GALNTL6: variants seen among roughly 807,000 people sequenced by gnomAD.
GALNTL6 encodes the protein polypeptide N-acetylgalactosaminyltransferase-like 6.
A neutral mutation model predicts 73.7 loss-of-function variants in GALNTL6; 46 were observed. The ratio of observed to expected loss-of-function variants is 0.62; its 90% confidence interval spans 0.49 to 0.80. GALNTL6 has a LOEUF of 0.80. Ranked by LOEUF, GALNTL6 falls within the 30% of genes least tolerant of loss-of-function variation. GALNTL6 has a pLI of 0.00. For synonymous variants in GALNTL6, 259 were observed against 263.7 expected, an observed-to-expected ratio of 0.98 and a Z score of 0.17; for missense variants, 604 against 755.0, an observed-to-expected ratio of 0.80 and a Z score of 2.34.
At chr4:172,843,970 A>G (rs1743353401) in intron 7 of GALNTL6, among the ~76,000 whole-genome samples, 1 of 152,146 alleles carries the variant, frequency 6.6e-6, no homozygotes, top group African/African-American at 2.4e-5. Context: ...GAGGCAGGAG[A>G]ATCGCTTGAA....
intron 5 of GALNTL6, among the ~76,000 whole-genome samples, chr4:172,699,589 G>C (rs1290960811): frequency 6.6e-6 from 1 of 152,142 alleles, no homozygotes; most frequent in Non-Finnish European, 1.5e-5. Flanking sequence ...AGGAGCTCAT[G>C]TAAGAAACTT....
intron 5 of GALNTL6, among the ~76,000 whole-genome samples, chr4:172,623,156 T>C (rs1445327387): frequency 2.6e-5 from 4 of 152,040 alleles, no homozygotes; most frequent in Non-Finnish European, 4.4e-5. Flanking sequence ...CAAAAATCAA[T>C]GCACGAAACT....
chr4:172,983,702 AT>A (rs1751172362), intron 10 of GALNTL6, among the ~76,000 whole-genome samples: 1 of 152,044 alleles, frequency 6.6e-6, no homozygotes, highest in African/African-American at 2.4e-5. Context: ...TCTCAAAAAA[AT>A]ATATATATAT....
chr4:172,742,902 C>A (rs551631333), intron 5 of GALNTL6, among the ~76,000 whole-genome samples: 3 of 152,096 alleles, frequency 2.0e-5, no homozygotes, highest in Middle Eastern at 3.4e-3. Context: ...CTCGGGGTCA[C>A]CTCCTTACAC....
chr4:172,165,600 T>A (rs1734597978), intron 2 of GALNTL6, among the ~76,000 whole-genome samples: 1 of 152,192 alleles, frequency 6.6e-6, no homozygotes, highest in African/African-American at 2.4e-5. Context: ...ACTGTTTTAC[T>A]ATTTTATGAG....
At chr4:172,166,716 A>G (rs550538252) in intron 2 of GALNTL6, among the ~76,000 whole-genome samples, 1 of 152,174 alleles carries the variant, frequency 6.6e-6, no homozygotes, top group Non-Finnish European at 1.5e-5. Flanking sequence ...TTACAAACCA[A>G]TTGCTTGTTT....
chr4:172,276,462 G>T (rs1024913994), intron 3 of GALNTL6, among the ~76,000 whole-genome samples: 32 of 152,142 alleles, frequency 2.1e-4, no homozygotes, highest in Admixed American at 1.2e-3. Flanking sequence ...TCATTCTACT[G>T]CCCAGCACTT....
At chr4:171,903,493 A>G (rs1377387753) in intron 2 of GALNTL6, among the ~76,000 whole-genome samples, 1 of 152,050 alleles carries the variant, frequency 6.6e-6, no homozygotes, top group African/African-American at 2.4e-5. Flanking sequence ...GGAGGGTCCC[A>G]CGCCCACGGA....
intron 6 of GALNTL6, among the ~76,000 whole-genome samples, chr4:172,810,247 G>C (rs17058928): frequency 6.6e-6 from 1 of 152,070 alleles, no homozygotes; most frequent in Non-Finnish European, 1.5e-5. Context: ...TTAGAAACAC[G>C]AAAGAACTGA....
intron 5 of GALNTL6, among the ~76,000 whole-genome samples, chr4:172,808,989 C>G (rs898383762): frequency 6.6e-6 from 1 of 152,144 alleles, no homozygotes; most frequent in Admixed American, 6.6e-5. Context: ...GTAGAGAGCT[C>G]TTTTGTTGGA....
intron 7 of GALNTL6, among the ~76,000 whole-genome samples, chr4:172,863,596 G>A (rs759759138): frequency 2.1e-4 from 32 of 152,180 alleles, no homozygotes; most frequent in Admixed American, 7.2e-4. Context: ...CCCAATGCCT[G>A]TACCCCCATT....
intron 3 of GALNTL6, among the ~76,000 whole-genome samples, chr4:172,278,876 G>A (rs1277955606): frequency 6.6e-6 from 1 of 152,062 alleles, no homozygotes; most frequent in Non-Finnish European, 1.5e-5. Flanking sequence ...AACAGACACA[G>A]GCCAATGGAC....
chr4:172,644,878 C>T (rs147888192), intron 5 of GALNTL6, among the ~76,000 whole-genome samples: 22 of 152,038 alleles, frequency 1.4e-4, no homozygotes, highest in African/African-American at 4.8e-4. Context: ...ACGAGGTCAT[C>T]AGCATCACAA....
At chr4:171,960,262 G>A (rs1016577355) in intron 2 of GALNTL6, among the ~76,000 whole-genome samples, 6 of 151,996 alleles carry the variant, frequency 3.9e-5, no homozygotes, top group Admixed American at 3.9e-4. Flanking sequence ...GTTAAAATAG[G>A]ACAGCTTTTC....
At chr4:172,469,048 G>T (rs1418781906) in intron 5 of GALNTL6, among the ~76,000 whole-genome samples, 10 of 152,148 alleles carry the variant, frequency 6.6e-5, no homozygotes, top group Non-Finnish European at 1.0e-4. Flanking sequence ...TGCAAATGAG[G>T]ACTCTTCACC....
At chr4:172,101,456 A>C (rs1732517481) in intron 2 of GALNTL6, among the ~76,000 whole-genome samples, 1 of 151,772 alleles carries the variant, frequency 6.6e-6, no homozygotes, top group African/African-American at 2.4e-5. Flanking sequence ...TCTGCTGACG[A>C]GAGAGAGAGA....
chr4:172,658,982 A>G (rs1010718342), intron 5 of GALNTL6, among the ~76,000 whole-genome samples: 1 of 152,238 alleles, frequency 6.6e-6, no homozygotes, highest in Admixed American at 6.5e-5. Context: ...AGAATGCATG[A>G]AAAAGCATAA....
At chr4:172,846,847 T>A (rs565917869) in intron 7 of GALNTL6, among the ~76,000 whole-genome samples, 1 of 152,342 alleles carries the variant, frequency 6.6e-6, no homozygotes, top group Non-Finnish European at 1.5e-5. Context: ...TCTGACTACA[T>A]GAATTTTAGA....
At chr4:171,874,945 C>A (rs113103382) in intron 2 of GALNTL6, among the ~76,000 whole-genome samples, 114 of 152,246 alleles carry the variant, frequency 7.5e-4, no homozygotes, top group African/African-American at 2.5e-3. Context: ...TCCTTAAAAT[C>A]ACCCTGCAGA....
Sources: gnomAD v4.1 joint callset for allele counts (sites outside exome capture counted in the v4.1 genomes callset) on GRCh38, gnomAD v4.1.1 for gene constraint, MANE v1.5 for transcripts, NCBI Gene and HGNC (gene_info 2026-07-23, HGNC 2026-07-21) for gene names.